The following NUF2 variants were observed in gnomAD, a reference collection of about 807,000 sequenced individuals.
NUF2 encodes the protein NUF2 component of NDC80 kinetochore complex.
NUF2 carries 34 observed loss-of-function variants against 61.8 expected under a neutral mutation model. The observed-to-expected ratio is 0.55, with a 90% CI of 0.42 to 0.73. NUF2 has a LOEUF of 0.73. NUF2 is among the 30% of genes least tolerant of loss of function. NUF2 has a pLI of 0.00. For synonymous variants in NUF2, 172 were observed against 181.6 expected (o/e 0.95, Z 0.42); for missense variants, 445 against 539.1 (o/e 0.83, Z 1.73).
intron 11 of NUF2, 31 bp from the exon 12 acceptor site, chr1:163,347,732 G>C: frequency 7.3e-7 from 1 of 1,370,108 alleles, no homozygotes; most frequent in Non-Finnish European, 9.7e-7. Context: ...AATTGGTTAT[G>C]TTGACTTTAA....
chr1:163,332,055 G>T (rs563496037), intron 5 of NUF2, among the ~76,000 whole-genome samples: 14 of 151,442 alleles, frequency 9.2e-5, no homozygotes, highest in Admixed American at 2.0e-4. Context: ...TTTTTTTAAG[G>T]CAGTAAGCCA....
In NUF2 at chr1:163,336,791, C is replaced by T. The variant is rs1434237288; in HGVS notation, c.378C>T (p.Asn126=). Residue 126 remains asparagine, a synonymous_variant, in exon 6 of 14, where the codon AAC becomes AAT. Transcript: ENST00000271452. The part of the protein sequence containing the change: ...RTSRFLSGII[N]FIHFREACRE... ...GTCGGTTTTTAAGTGGCATTATCAA[C>T]TTTATTCACTTCAGAGAAGCATGCC... 3 of 1,612,742 alleles carry T rather than the reference C, an allele frequency of 1.9e-6. No homozygotes were observed. Among genetic ancestry groups the T allele is most frequent in the Non-Finnish European group, 2.5e-6 (3 of 1,179,198 alleles).
rs1197338265 is a variant in NUF2, at chr1:163,341,927, G to A, written c.669+1501G>A. Among the ~76,000 whole-genome samples the A allele has an allele frequency of 2.6e-5, 4 of 152,164 alleles. No individual in the cohort carries two copies. The East Asian group carries it at 5.8e-4, about 22-fold the overall frequency. On this transcript the variant is annotated intron_variant, in intron 9 of 13. Coordinates refer to ENST00000271452, the MANE Select transcript of NUF2 (RefSeq NM_145697.3). ...TTACAGGTGTGAGCCACCGCACCCG[G>A]CCACTTATTTATTTTTCAAGAAACT...
At chr1:163,342,582 A>G (rs1248806579) in intron 9 of NUF2, among the ~76,000 whole-genome samples, 1 of 152,168 alleles carries the variant, frequency 6.6e-6, no homozygotes, top group Non-Finnish European at 1.5e-5. Context: ...TTTTAAGTTA[A>G]AAATATTTAG....
chr1:163,327,828 T>C (rs139759515), intron 3 of NUF2: 153 of 420,110 alleles, frequency 3.6e-4, no homozygotes, highest in African/African-American at 2.9e-3. Context: ...GCAATTGTTA[T>C]AGATTTATAG....
Position 163,339,398 on chromosome 1 carries a change from A to T in NUF2, c.527A>T (p.Glu176Val), listed in dbSNP as rs373453967. 3.1e-6 allele frequency: 5 copies of T among 1,610,850 alleles called. No homozygotes were observed. The highest frequency in any genetic ancestry group is 2.5e-6 in the Non-Finnish European group (3 of 1,177,396). The change falls in exon 8 of 14, where the codon GAG becomes GTG. Residue 176 changes from glutamate to valine, a missense_variant. Coordinates refer to ENST00000271452, the MANE Select transcript of NUF2 (RefSeq NM_145697.3). ...GTGTTAAGTTCTGTTCCAGTTGAAG[A>T]GCAAGAAGAGTTCAAGCAGCTTTCA... ...LERLDSVPVE[E>V]QEEFKQLSDG...
chr1:163,333,641 T>A (rs1273475222), intron 5 of NUF2, among the ~76,000 whole-genome samples: 8 of 152,272 alleles, frequency 5.3e-5, no homozygotes, highest in Non-Finnish European at 1.2e-4. Flanking sequence ...CATGTATATA[T>A]CTTTAACATA....
intron 11 of NUF2, 101 bp downstream of exon 11, chr1:163,345,919 C>A: frequency 3.8e-6 from 3 of 792,938 alleles, no homozygotes; most frequent in East Asian, 5.1e-5. Flanking sequence ...TAAAGAAAAA[C>A]AGGGTCATTC....
At chr1:163,342,374 G>A (rs1650974047) in intron 9 of NUF2, among the ~76,000 whole-genome samples, 1 of 152,002 alleles carries the variant, frequency 6.6e-6, no homozygotes, top group African/African-American at 2.4e-5. Context: ...TTATAAAGAG[G>A]AGAAAAGTGA....
At chr1:163,329,460 A>T (rs1042813235) in intron 5 of NUF2, among the ~76,000 whole-genome samples, 3 of 152,198 alleles carry the variant, frequency 2.0e-5, no homozygotes, top group African/African-American at 7.2e-5. Flanking sequence ...AAAGGGATTT[A>T]ATTGGCTCAC....
rs768670727 is a variant in NUF2 at position 163,345,845 on chromosome 1, C to G, written c.948+27C>G. On this transcript the variant is annotated intron_variant, in intron 11 of 13. Transcript: ENST00000271452. The stretch of plus-strand genomic sequence containing the variant: ...TTTGTATTGTATGGAATTTTGATGT[C>G]TTTATTATATAACAGCTTACTATAG... 1.7e-5 allele frequency: 26 copies of G among 1,499,116 alleles called. 1 individual carries two copies. The South Asian group carries it at 2.9e-4, about 17-fold the overall frequency. The allele number at this position is 1,499,116 out of a possible 1,614,324, so 92.9% of individuals were successfully genotyped here. A position where few individuals can be genotyped will look rare whatever the true frequency, so the allele number is the denominator to read the frequency against.
At chr1:163,333,299 G>T (rs1040980057) in intron 5 of NUF2, among the ~76,000 whole-genome samples, 16 of 151,952 alleles carry the variant, frequency 1.1e-4, no homozygotes, top group African/African-American at 3.6e-4. Flanking sequence ...TGTGCCTTTG[G>T]ATTCAAAACG....
chr1:163,335,466 T>C (rs929483832), intron 5 of NUF2, among the ~76,000 whole-genome samples: 2 of 152,202 alleles, frequency 1.3e-5, no homozygotes, highest in Admixed American at 6.5e-5. Flanking sequence ...CTCTATATAA[T>C]GTGTTTTGTT....
At chr1:163,333,809 G>T (rs1316206046) in intron 5 of NUF2, among the ~76,000 whole-genome samples, 1 of 152,002 alleles carries the variant, frequency 6.6e-6, no homozygotes, top group Non-Finnish European at 1.5e-5. Context: ...TCTTTTAAAG[G>T]ATTTTCTATT....
intron 1 of NUF2, among the ~76,000 whole-genome samples, chr1:163,323,540 G>A (rs1253351868): frequency 6.6e-6 from 1 of 152,080 alleles, no homozygotes; most frequent in Non-Finnish European, 1.5e-5. Flanking sequence ...GCAACATAGT[G>A]AGACCCTATC....
chr1:163,328,117 A>G (rs1318011251), intron 3 of NUF2, 111 bp from the exon 4 acceptor site: 1 of 639,580 alleles, frequency 1.6e-6, no homozygotes, highest in East Asian at 2.7e-5. Flanking sequence ...GATATGTATT[A>G]AGGTTTTTAA....
At chr1:163,352,703 A>G (rs949411638) in intron 13 of NUF2, among the ~76,000 whole-genome samples, 6 of 152,120 alleles carry the variant, frequency 3.9e-5, no homozygotes, top group African/African-American at 1.4e-4. Context: ...CGTCTCTACT[A>G]AAAATACAAA....
At chr1:163,347,423 T>A (rs1481004941) in intron 11 of NUF2, among the ~76,000 whole-genome samples, 1 of 152,236 alleles carries the variant, frequency 6.6e-6, no homozygotes, top group Non-Finnish European at 1.5e-5. Context: ...TGCTTTGAAT[T>A]GTTTCTAGCA....
chr1:163,324,323 C>G (rs1441661422), intron 1 of NUF2, among the ~76,000 whole-genome samples: 1 of 152,060 alleles, frequency 6.6e-6, no homozygotes, highest in Non-Finnish European at 1.5e-5. Context: ...TTTCCACACA[C>G]TATGAGGAAG....
Sources: gnomAD v4.1 joint callset for allele counts (sites outside exome capture counted in the v4.1 genomes callset) on GRCh38, gnomAD v4.1.1 for gene constraint, MANE v1.5 for transcripts, NCBI Gene and HGNC (gene_info 2026-07-23, HGNC 2026-07-21) for gene names.